ASIC2: variants seen among roughly 807,000 people sequenced by gnomAD.
ASIC2 encodes acid sensing ion channel subunit 2.
A neutral mutation model predicts 57.3 loss-of-function variants in ASIC2; 25 were observed. The ratio of observed to expected loss-of-function variants is 0.44; its 90% CI spans 0.32 to 0.61. ASIC2 has a LOEUF of 0.61. ASIC2 is among the 20% of genes least tolerant of loss of function. The probability of loss-of-function intolerance (pLI) is 0.06; values close to 1 mark genes in which losing one functional copy is unlikely to be tolerated. For missense variants in ASIC2, 641 were observed against 738.1 expected, an observed-to-expected ratio of 0.87 and a Z score of 1.52; for synonymous variants, 319 against 307.5, an observed-to-expected ratio of 1.04 and a Z score of -0.39.
intron 2 of ASIC2, among the ~76,000 whole-genome samples, chr17:33,096,991 G>A (rs1176185155): frequency 1.3e-5 from 2 of 152,198 alleles, no homozygotes; most frequent in Non-Finnish European, 2.9e-5. Context: ...AGAGGTAGGT[G>A]CCCCCATTTT....
chr17:33,535,775 G>T (rs887363164), intron 1 of ASIC2, among the ~76,000 whole-genome samples: 21 of 152,188 alleles, frequency 1.4e-4, no homozygotes, highest in African/African-American at 4.6e-4. Flanking sequence ...AAATAAAAAA[G>T]AAGTCGTGTA....
chr17:33,260,043 TAGG>T (rs1230040814), intron 1 of ASIC2, among the ~76,000 whole-genome samples: 1 of 152,006 alleles, frequency 6.6e-6, no homozygotes, highest in Non-Finnish European at 1.5e-5. Flanking sequence ...GAAGCTGAGG[TAGG>T]AGGATTGCTT....
At position 33,147,414 on chromosome 17, in the gene ASIC2, T is replaced by G. The variant is rs77148255; in HGVS notation, c.709-35347A>C. ...GACATCATACAAGTTCAGCTGGTAC[T>G]TAAGTCTAGAAAGACAGGTGGGCTG... On this transcript the variant is annotated intron_variant, in intron 1 of 9. Transcript: ENST00000225823. Among the ~76,000 whole-genome samples, 1,247 of 152,346 alleles carry G rather than the reference T, an allele frequency of 8.2e-3. 11 individuals carry two copies. Among genetic ancestry groups the G allele is most frequent in the Non-Finnish European group, 0.012 (789 of 68,026 alleles).
At chr17:34,154,467 CA>C (rs1567618187) in intron 1 of ASIC2, among the ~76,000 whole-genome samples, 1 of 152,122 alleles carries the variant, frequency 6.6e-6, no homozygotes, top group African/African-American at 2.4e-5. Context: ...AGGGATAATA[CA>C]AAACAGCTCC....
intron 1 of ASIC2, among the ~76,000 whole-genome samples, chr17:33,629,768 G>C (rs540823251): frequency 3.9e-5 from 6 of 152,304 alleles, no homozygotes; most frequent in Admixed American, 2.6e-4. Flanking sequence ...CAAACTTCCA[G>C]GGTAGCAAAC....
At chr17:33,964,361 G>T (rs889714975) in intron 1 of ASIC2, among the ~76,000 whole-genome samples, 10 of 152,226 alleles carry the variant, frequency 6.6e-5, no homozygotes, top group Non-Finnish European at 1.5e-4. Context: ...GTTGGTGAAT[G>T]GTGATGGAAT....
chr17:33,947,940 G>A (rs1169285115), intron 1 of ASIC2, among the ~76,000 whole-genome samples: 1 of 152,216 alleles, frequency 6.6e-6, no homozygotes, highest in Non-Finnish European at 1.5e-5. Flanking sequence ...TATTTTAGAT[G>A]ATTTATCTCT....
intron 1 of ASIC2, among the ~76,000 whole-genome samples, chr17:33,303,519 C>T (rs577317408): frequency 7.6e-4 from 115 of 152,256 alleles, no homozygotes; most frequent in African/African-American, 2.6e-3. Context: ...CATTACACAC[C>T]GACAGCAACT....
intron 1 of ASIC2, among the ~76,000 whole-genome samples, chr17:33,287,853 A>G (rs1905259375): frequency 6.6e-6 from 1 of 152,128 alleles, no homozygotes; most frequent in African/African-American, 2.4e-5. Flanking sequence ...AGTGCTTGGC[A>G]TCTTGTTTTC....
intron 1 of ASIC2, among the ~76,000 whole-genome samples, chr17:34,092,048 G>A (rs920334399): frequency 1.4e-5 from 2 of 142,492 alleles, no homozygotes; most frequent in Non-Finnish European, 3.0e-5. Context: ...GCAACAGTGG[G>A]GAAGAAAAGA....
At chr17:33,201,253 C>T (rs749251367) in intron 1 of ASIC2, among the ~76,000 whole-genome samples, 39 of 152,192 alleles carry the variant, frequency 2.6e-4, no homozygotes, top group Admixed American at 1.4e-3. Flanking sequence ...CAGCAGTGCT[C>T]GATCCACAGT....
chr17:33,914,215 T>C (rs1915534883), intron 1 of ASIC2, among the ~76,000 whole-genome samples: 1 of 152,272 alleles, frequency 6.6e-6, no homozygotes, highest in Non-Finnish European at 1.5e-5. Context: ...AACGGTCCAT[T>C]GTGGGCTGGG....
intron 1 of ASIC2, among the ~76,000 whole-genome samples, chr17:34,146,161 A>G (rs1598047021): frequency 6.6e-6 from 1 of 152,318 alleles, no homozygotes; most frequent in Admixed American, 6.5e-5. Context: ...AGAGTAGTGA[A>G]TCCCAATCAG....
intron 1 of ASIC2, among the ~76,000 whole-genome samples, chr17:33,132,647 T>C (rs890159094): frequency 2.0e-5 from 3 of 152,190 alleles, no homozygotes; most frequent in African/African-American, 4.8e-5. Flanking sequence ...TAGAGTCCAA[T>C]TTCCTGGGTA....
intron 1 of ASIC2, among the ~76,000 whole-genome samples, chr17:33,731,519 T>C (rs1403574713): frequency 2.0e-5 from 3 of 152,208 alleles, no homozygotes; most frequent in Non-Finnish European, 2.9e-5. Flanking sequence ...CCTCCATCTA[T>C]GCTAGAGTTC....
chr17:33,278,711 A>T (rs1326182758), intron 1 of ASIC2, among the ~76,000 whole-genome samples: 2 of 151,750 alleles, frequency 1.3e-5, no homozygotes, highest in Non-Finnish European at 2.9e-5. Flanking sequence ...GTTTGCCATA[A>T]CTCTTTATTG....
chr17:33,669,906 C>T lies in ASIC2; in HGVS notation c.555+486072G>A, dbSNP rs74764649. Reference sequence around the variant, plus strand: ...CCTACAGAGGCTTAATGAAAGTTAGCGAGAGGACAGAAGTGCACTGTCTGA... The same window carrying T: ...CCTACAGAGGCTTAATGAAAGTTAGTGAGAGGACAGAAGTGCACTGTCTGA... On this transcript the variant is annotated intron_variant, in intron 1 of 9. Coordinates refer to the ASIC2 transcript ENST00000359872. 9.7e-3 allele frequency among the ~76,000 whole-genome samples: 1,474 copies of T among 152,106 alleles called. 25 individuals carry two copies. The highest frequency in any genetic ancestry group is 0.034 in the African/African-American group (1,426 of 41,476).
chr17:33,338,140 G>A (rs1283723056), intron 1 of ASIC2, among the ~76,000 whole-genome samples: 3 of 150,278 alleles, frequency 2.0e-5, no homozygotes, highest in Non-Finnish European at 4.4e-5. Flanking sequence ...GGCTGTAAAT[G>A]TTCCTTCTGA....
intron 1 of ASIC2, among the ~76,000 whole-genome samples, chr17:33,319,666 T>C (rs1406750924): frequency 6.6e-6 from 1 of 152,158 alleles, no homozygotes; most frequent in African/African-American, 2.4e-5. Context: ...CAGAAGTAGC[T>C]TGGACTACAG....
Sources: allele counts gnomAD v4.1 joint callset (sites outside exome capture counted in the v4.1 genomes callset), GRCh38; gene constraint gnomAD v4.1.1; transcripts MANE v1.5; gene names NCBI Gene and HGNC (gene_info 2026-07-23, HGNC 2026-07-21).